UNC5D: variants seen among roughly 807,000 people sequenced by gnomAD.
UNC5D encodes netrin receptor UNC5D.
A neutral mutation model predicts 105.4 loss-of-function variants in UNC5D; 39 were observed. The ratio of observed to expected loss-of-function variants is 0.37; its 90% CI spans 0.29 to 0.48. The LOEUF (loss-of-function observed/expected upper bound fraction) is 0.48, where lower values mean the gene tolerates loss of function less well. UNC5D is among the 20% of genes least tolerant of loss of function. The probability of loss-of-function intolerance (pLI) is 0.98; values close to 1 mark genes in which losing one functional copy is unlikely to be tolerated. For synonymous variants in UNC5D, 452 were observed against 450.4 expected, an observed-to-expected ratio of 1.00 and a Z score of -0.04; for missense variants, 991 against 1,202.4, an observed-to-expected ratio of 0.82 and a Z score of 2.60.
chr8:35,473,492 ACCCATTAT>A (rs1295156404), intron 1 of UNC5D, among the ~76,000 whole-genome samples: 1 of 152,080 alleles, frequency 6.6e-6, no homozygotes, highest in Admixed American at 6.6e-5. Flanking sequence ...ATTAATTGAC[ACCCATTAT>A]TAAAAGATAC....
chr8:35,591,937 A>C (rs1369741836), intron 3 of UNC5D, among the ~76,000 whole-genome samples: 1 of 152,146 alleles, frequency 6.6e-6, no homozygotes, highest in Non-Finnish European at 1.5e-5. Context: ...AAGGGTATGG[A>C]GCTCCTTTGC....
chr8:35,651,973 A>C (rs542081844), intron 4 of UNC5D, among the ~76,000 whole-genome samples: 42 of 152,142 alleles, frequency 2.8e-4, no homozygotes, highest in Non-Finnish European at 5.6e-4. Context: ...TTTCTTGTGC[A>C]CCCATCCTGG....
rs774142971 is a variant in UNC5D at position 35,686,537 on chromosome 8, C to G, written c.920-8C>G. The G allele has an allele frequency of 2.3e-5, 36 of 1,552,368 alleles. No homozygotes were observed. The highest frequency in any genetic ancestry group is 3.0e-5 in the Non-Finnish European group (35 of 1,157,556). ...TCTAACAATGGTTTCTTTTGTTTCC[C>G]TTTGAAGTGGATGGGAGCTGGGAAG... On this transcript the variant is annotated splice_region_variant and splice_polypyrimidine_tract_variant and intron_variant, in intron 6 of 16. Coordinates refer to ENST00000404895, the MANE Select transcript of UNC5D (RefSeq NM_080872.4).
chr8:35,529,680 A>C (rs1814188985), intron 1 of UNC5D, among the ~76,000 whole-genome samples: 1 of 112,024 alleles, frequency 8.9e-6, no homozygotes, highest in Admixed American at 9.9e-5. Context: ...CCTACCCATG[A>C]GCATGGAATG....
At chr8:35,242,572 G>A (rs1802866294) in intron 1 of UNC5D, among the ~76,000 whole-genome samples, 1 of 152,142 alleles carries the variant, frequency 6.6e-6, no homozygotes, top group Non-Finnish European at 1.5e-5. Flanking sequence ...CTGCCTCCCA[G>A]GTTCAAGCAA....
At chr8:35,468,942 G>A (rs1434973305) in intron 1 of UNC5D, among the ~76,000 whole-genome samples, 1 of 152,162 alleles carries the variant, frequency 6.6e-6, no homozygotes, top group Non-Finnish European at 1.5e-5. Context: ...CTTGCTAATT[G>A]GAGTTAGAAA....
chr8:35,237,269 C>T lies in UNC5D; in HGVS notation c.103+1382C>T, dbSNP rs574813108. Among the ~76,000 whole-genome samples, 15 of 146,066 alleles carry T rather than the reference C, an allele frequency of 1.0e-4. 1 individual carries two copies. The highest frequency in any genetic ancestry group is 3.8e-4 in the African/African-American group (15 of 39,264). ...AAATGAGCGTCGGTGATTGTACACCCTGGGTTATGATGAACCACAGTTCCT... is the reference window on the plus strand; with the variant it reads ...AAATGAGCGTCGGTGATTGTACACCTTGGGTTATGATGAACCACAGTTCCT... On this transcript the variant is annotated intron_variant, in intron 1 of 16. Transcript: ENST00000404895.
chr8:35,651,875 G>T (rs548841010), intron 4 of UNC5D, among the ~76,000 whole-genome samples: 61 of 152,244 alleles, frequency 4.0e-4, no homozygotes, highest in African/African-American at 1.4e-3. Flanking sequence ...TGTGTGACTA[G>T]ATCACAGCAT....
At chr8:35,696,426 A>G (rs1826784795) in intron 7 of UNC5D, among the ~76,000 whole-genome samples, 1 of 151,898 alleles carries the variant, frequency 6.6e-6, no homozygotes, top group Non-Finnish European at 1.5e-5. Context: ...CAAATTTTAC[A>G]TTTGCAGTGT....
At chr8:35,288,241 C>T (rs987094543) in intron 1 of UNC5D, among the ~76,000 whole-genome samples, 3 of 152,102 alleles carry the variant, frequency 2.0e-5, no homozygotes, top group Non-Finnish European at 4.4e-5. Context: ...AGCCCCAGTA[C>T]ATCTTTCAGC....
At chr8:35,600,415 A>C (rs940808007) in intron 4 of UNC5D, among the ~76,000 whole-genome samples, 1 of 152,278 alleles carries the variant, frequency 6.6e-6, no homozygotes, top group African/African-American at 2.4e-5. Context: ...TTACAGTCTC[A>C]CCAACAGTGT....
intron 1 of UNC5D, among the ~76,000 whole-genome samples, chr8:35,299,577 G>A (rs1807765723): frequency 6.6e-6 from 1 of 152,144 alleles, no homozygotes; most frequent in East Asian, 1.9e-4. Context: ...TGCTAGTGGA[G>A]ATGCAAACTG....
At chr8:35,445,982 C>G (rs980772509) in intron 1 of UNC5D, among the ~76,000 whole-genome samples, 1 of 151,682 alleles carries the variant, frequency 6.6e-6, no homozygotes, top group Admixed American at 6.6e-5. Flanking sequence ...TTGTGAAAAC[C>G]TTTTTAGGCA....
intron 1 of UNC5D, among the ~76,000 whole-genome samples, chr8:35,502,917 AT>A: frequency 6.6e-6 from 1 of 151,822 alleles, no homozygotes; most frequent in East Asian, 1.9e-4. Flanking sequence ...TGTTATTTTC[AT>A]TTTTCTTAAT....
intron 1 of UNC5D, among the ~76,000 whole-genome samples, chr8:35,483,228 G>A (rs887620083): frequency 6.6e-6 from 1 of 152,088 alleles, no homozygotes; most frequent in African/African-American, 2.4e-5. Context: ...ACAGCACAGG[G>A]TGATACAGAA....
At chr8:35,575,988 G>A (rs1290047051) in intron 3 of UNC5D, among the ~76,000 whole-genome samples, 10 of 152,154 alleles carry the variant, frequency 6.6e-5, no homozygotes, top group Admixed American at 5.2e-4. Context: ...GAAGGAAGAG[G>A]AGGCTAGTTT....
chr8:35,333,695 G>C (rs1810807990), intron 1 of UNC5D, among the ~76,000 whole-genome samples: 1 of 152,046 alleles, frequency 6.6e-6, no homozygotes, highest in African/African-American at 2.4e-5. Context: ...GGCCAGGCTG[G>C]TCTCGAACTC....
At chr8:35,518,385 T>G (rs1251998662) in intron 1 of UNC5D, among the ~76,000 whole-genome samples, 2 of 152,180 alleles carry the variant, frequency 1.3e-5, no homozygotes, top group Non-Finnish European at 2.9e-5. Flanking sequence ...TTGCATTGCT[T>G]TATGACTATG....
At chr8:35,764,480 G>T (rs1161845137) in intron 14 of UNC5D, among the ~76,000 whole-genome samples, 2 of 152,062 alleles carry the variant, frequency 1.3e-5, no homozygotes, top group African/African-American at 4.8e-5. Context: ...ATTAGGAAAA[G>T]AATCACATTA....
Sources: gnomAD v4.1 joint callset for allele counts (sites outside exome capture counted in the v4.1 genomes callset) on GRCh38, gnomAD v4.1.1 for gene constraint, MANE v1.5 for transcripts, NCBI Gene and HGNC (gene_info 2026-07-23, HGNC 2026-07-21) for gene names.